Variants in DSCAM observed in about 807,000 individuals in gnomAD.
DSCAM encodes cell adhesion molecule DSCAM.
DSCAM carries 47 observed loss-of-function variants against 217.7 expected under a neutral mutation model. That is an observed-to-expected ratio of 0.22 (90% CI 0.17 to 0.28). The LOEUF (loss-of-function observed/expected upper bound fraction) is 0.28. Among genes scored for constraint, DSCAM ranks in the 10% least tolerant of loss-of-function variants. The pLI, the probability that DSCAM is intolerant of heterozygous loss-of-function variation, is 1.00. For missense variants in DSCAM, 2,080 were observed against 2,618.3 expected (o/e 0.79, Z 4.49); for synonymous variants, 1,056 against 1,015.3 (o/e 1.04, Z -0.76).
At chr21:40,056,276 T>C (rs749142029) in intron 28 of DSCAM, among the ~76,000 whole-genome samples, 1 of 152,232 alleles carries the variant, frequency 6.6e-6, no homozygotes, top group African/African-American at 2.4e-5. Flanking sequence ...GTTTGTCGGA[T>C]GGGAGTTTTA....
chr21:40,688,914 C>T (rs1344713619), intron 3 of DSCAM, among the ~76,000 whole-genome samples: 1 of 152,162 alleles, frequency 6.6e-6, no homozygotes, highest in Non-Finnish European at 1.5e-5. Context: ...TAATGGTAGC[C>T]TCATGGCCTC....
chr21:40,487,059 A>G (rs2076034378), intron 3 of DSCAM, among the ~76,000 whole-genome samples: 1 of 152,122 alleles, frequency 6.6e-6, no homozygotes, highest in Non-Finnish European at 1.5e-5. Context: ...CTCAGAGAAT[A>G]AGACCATGAG....
intron 3 of DSCAM, among the ~76,000 whole-genome samples, chr21:40,408,723 G>A (rs953298460): frequency 6.6e-6 from 1 of 152,156 alleles, no homozygotes; most frequent in Non-Finnish European, 1.5e-5. Context: ...CTACAGGAGG[G>A]ATGATGCAGT....
At chr21:40,656,074 C>A (rs1037479956) in intron 3 of DSCAM, among the ~76,000 whole-genome samples, 2 of 152,000 alleles carry the variant, frequency 1.3e-5, no homozygotes, top group Admixed American at 1.3e-4. Context: ...AAATAAAGCA[C>A]TCATCTCATC....
chr21:40,167,567 AC>A (rs2090611303), intron 15 of DSCAM, among the ~76,000 whole-genome samples: 1 of 152,300 alleles, frequency 6.6e-6, no homozygotes, highest in East Asian at 1.9e-4. Context: ...CCAATTTTGA[AC>A]AAGGGGTACA....
chr21:40,769,191 G>A (rs987640305), intron 1 of DSCAM, among the ~76,000 whole-genome samples: 1 of 144,692 alleles, frequency 6.9e-6, no homozygotes, highest in African/African-American at 2.8e-5. Context: ...TCCAGAACAA[G>A]GATTGACACT....
chr21:40,225,448 TGTA>T (rs1460680583), intron 11 of DSCAM, among the ~76,000 whole-genome samples: 1 of 152,148 alleles, frequency 6.6e-6, no homozygotes. Flanking sequence ...CTCTACAATT[TGTA>T]ATTTTCCCAC....
At chr21:40,409,666 G>C (rs1473557293) in intron 3 of DSCAM, among the ~76,000 whole-genome samples, 1 of 152,220 alleles carries the variant, frequency 6.6e-6, no homozygotes, top group African/African-American at 2.4e-5. Flanking sequence ...GGAATAGTTT[G>C]TATCCCTGCA....
intron 1 of DSCAM, among the ~76,000 whole-genome samples, chr21:40,712,832 A>AGAGG (rs1291830760): frequency 6.6e-6 from 1 of 152,074 alleles, no homozygotes; most frequent in Non-Finnish European, 1.5e-5. Context: ...AGAGAGAGAG[A>AGAGG]GAAGGTGGGG....
chr21:40,476,478 TTGA>T (rs1354282286), intron 3 of DSCAM, among the ~76,000 whole-genome samples: 3 of 152,210 alleles, frequency 2.0e-5, no homozygotes, highest in Non-Finnish European at 2.9e-5. Context: ...CATAATAATA[TTGA>T]TGATGATAGT....
chr21:40,121,679 G>GTTTTTTTTT (rs1568951642), intron 20 of DSCAM, among the ~76,000 whole-genome samples: 1 of 76,710 alleles, frequency 1.3e-5, no homozygotes, highest in Non-Finnish European at 2.8e-5. Flanking sequence ...TCTCATTACT[G>GTTTTTTTTT]TCTTTTTTTT....
chr21:40,827,468 CAAAAAA>C (rs55906607), intron 1 of DSCAM, among the ~76,000 whole-genome samples: 1 of 57,152 alleles, frequency 1.7e-5, no homozygotes, highest in Non-Finnish European at 3.6e-5. Flanking sequence ...GTCCATGTCT[CAAAAAA>C]AAAAAAAAAA....
At chr21:40,103,726 A>G (rs1357986177) in intron 20 of DSCAM, among the ~76,000 whole-genome samples, 1 of 151,434 alleles carries the variant, frequency 6.6e-6, no homozygotes, top group African/African-American at 2.4e-5. Context: ...CTATGTATAT[A>G]ACTATATACA....
chr21:40,395,358 C>A (rs1470103917), intron 3 of DSCAM, among the ~76,000 whole-genome samples: 2 of 149,634 alleles, frequency 1.3e-5, no homozygotes, highest in Middle Eastern at 3.4e-3. Context: ...TCTTTTAGAT[C>A]AAAAATTTGA....
At chr21:40,058,891 T>C (rs1319452845) in intron 28 of DSCAM, among the ~76,000 whole-genome samples, 2 of 152,226 alleles carry the variant, frequency 1.3e-5, no homozygotes, top group African/African-American at 2.4e-5. Flanking sequence ...TTGCATGGCA[T>C]AGGATCATGC....
intron 11 of DSCAM, among the ~76,000 whole-genome samples, chr21:40,267,589 C>A (rs371262906): frequency 6.6e-6 from 1 of 152,114 alleles, no homozygotes; most frequent in Admixed American, 6.6e-5. Flanking sequence ...CAGCACATAA[C>A]TATATAACAT....
At chr21:40,454,645 A>G (rs1341531363) in intron 3 of DSCAM, among the ~76,000 whole-genome samples, 5 of 152,246 alleles carry the variant, frequency 3.3e-5, no homozygotes, top group African/African-American at 1.2e-4. Context: ...CGTACATGCA[A>G]ATCACCTTCC....
chr21:40,795,708 T>C (rs962243477), intron 1 of DSCAM, among the ~76,000 whole-genome samples: 1 of 152,190 alleles, frequency 6.6e-6, no homozygotes, highest in African/African-American at 2.4e-5. Flanking sequence ...TCTAGTGATC[T>C]GAAACTCAAG....
intron 11 of DSCAM, among the ~76,000 whole-genome samples, chr21:40,201,770 G>C (rs2091072575): frequency 6.6e-6 from 1 of 151,974 alleles, no homozygotes; most frequent in South Asian, 2.1e-4. Context: ...TGTAGAAAAA[G>C]GAAAATAGTA....
Sources: gnomAD v4.1 joint callset for allele counts (sites outside exome capture counted in the v4.1 genomes callset) on GRCh38, gnomAD v4.1.1 for gene constraint, MANE v1.5 for transcripts, NCBI Gene and HGNC (gene_info 2026-07-23, HGNC 2026-07-21) for gene names.